Variants in PPFIBP2 observed in about 807,000 individuals in gnomAD.
PPFIBP2 encodes PPFIB scaffold protein 2.
In PPFIBP2, 118 loss-of-function variants were observed where a neutral mutation model predicts 118.3. The observed-to-expected ratio is 1.00, with a 90% CI of 0.86 to 1.16. The LOEUF (loss-of-function observed/expected upper bound fraction) is 1.16. Ranked by LOEUF, PPFIBP2 falls within the 50% of genes most tolerant of loss-of-function variation. The probability of loss-of-function intolerance (pLI) is 0.00; values close to 1 mark genes in which losing one functional copy is unlikely to be tolerated. For synonymous variants in PPFIBP2, 414 were observed against 397.4 expected (o/e 1.04, Z -0.50); for missense variants, 1,195 against 1,073.1 (o/e 1.11, Z -1.59).
rs541586710 is a variant in PPFIBP2, at chr11:7,645,504, T to G, written c.1647-2883T>G. 7.9e-5 allele frequency among the ~76,000 whole-genome samples: 12 copies of G among 152,334 alleles called. No homozygotes were observed. The East Asian group carries it at 2.3e-3, about 29-fold the overall frequency. ...GAATGTGTCAACAAAACAAATGGTTTGGCTGTATATGAAGGGTATCTTCTC... is the reference window on the plus strand; with the variant it reads ...GAATGTGTCAACAAAACAAATGGTTGGGCTGTATATGAAGGGTATCTTCTC... On this transcript the variant is annotated intron_variant, in intron 17 of 23. Transcript: ENST00000299492.
chr11:7,662,048 C>T (rs28775425), downstream of PPFIBP2, among the ~76,000 whole-genome samples: 161 of 141,244 alleles, frequency 1.1e-3, 1 homozygote, highest in African/African-American at 3.7e-3. Context: ...TGTCTCTGCA[C>T]GTGAGATGGG....
At chr11:7,515,144 A>T (rs924417365) in intron 1 of PPFIBP2, among the ~76,000 whole-genome samples, 1 of 152,236 alleles carries the variant, frequency 6.6e-6, no homozygotes. Flanking sequence ...TAATTTAGAA[A>T]TTATTTCTCT....
chr11:7,550,720 G>A lies in PPFIBP2; in HGVS notation c.64+1181G>A, dbSNP rs371306815. Among the ~76,000 whole-genome samples the A allele has an allele frequency of 3.9e-5, 6 of 152,204 alleles. No individual in the cohort carries two copies. In the South Asian group the frequency reaches 6.2e-4, roughly 16 times the overall value. ...TGATCCCGGGTGTGTCTGTGAGAGT[G>A]TTGCCAAAGGAGATTAACATTTGAG... On this transcript the variant is annotated intron_variant, in intron 2 of 23. Transcript: ENST00000299492.
At chr11:7,648,588 G>A (rs751624850) in intron 18 of PPFIBP2, 51 bp downstream of exon 18, 2 of 1,604,308 alleles carry the variant, frequency 1.2e-6, no homozygotes, top group South Asian at 2.2e-5. Context: ...CCAAAGCATG[G>A]GGAGGCCAGG....
At chr11:7,628,417 C>A in intron 9 of PPFIBP2, 71 bp downstream of exon 9, 1 of 1,366,810 alleles carries the variant, frequency 7.3e-7, no homozygotes, top group South Asian at 1.2e-5. Context: ...CCCTGCTGGT[C>A]TCTGATATTC....
At chr11:7,657,747 C>A (rs1400857761), downstream of PPFIBP2, among the ~76,000 whole-genome samples, 1 of 152,208 alleles carries the variant, frequency 6.6e-6, no homozygotes, top group Non-Finnish European at 1.5e-5. Flanking sequence ...GCAAAGAGAC[C>A]ATCTCTCAGG....
intron 3 of PPFIBP2, among the ~76,000 whole-genome samples, chr11:7,572,978 C>T (rs992418369): frequency 1.3e-5 from 2 of 152,186 alleles, no homozygotes; most frequent in African/African-American, 4.8e-5. Context: ...CGGTGTTTCA[C>T]CAGGTTGACG....
chr11:7,610,721 A>G (rs1847963140), intron 6 of PPFIBP2, among the ~76,000 whole-genome samples: 1 of 152,200 alleles, frequency 6.6e-6, no homozygotes, highest in Admixed American at 6.5e-5. Context: ...GGGACACAAG[A>G]TGTCTTCTGT....
intron 5 of PPFIBP2, among the ~76,000 whole-genome samples, chr11:7,599,758 G>C (rs1861072053): frequency 6.7e-6 from 1 of 149,054 alleles, no homozygotes; most frequent in African/African-American, 2.5e-5. Flanking sequence ...AGCCTCCCAA[G>C]TAGCTGGGAC....
intron 5 of PPFIBP2, among the ~76,000 whole-genome samples, chr11:7,609,731 C>A (rs1196164282): frequency 2.6e-5 from 4 of 152,044 alleles, no homozygotes; most frequent in Non-Finnish European, 4.4e-5. Flanking sequence ...TTTGGAACAG[C>A]CCAGGAAAGA....
chr11:7,665,812 CACA>C, the PPFIBP2 span: 8 of 1,520,950 alleles, frequency 5.3e-6, no homozygotes, highest in South Asian at 8.5e-5. Context: ...GGAAGGAGAA[CACA>C]ACGAGGTATA....
At chr11:7,641,903 A>G (rs1003291539) in intron 16 of PPFIBP2, 3 of 464,382 alleles carry the variant, frequency 6.5e-6, no homozygotes, top group Non-Finnish European at 7.7e-6. Context: ...ATTACATTGG[A>G]TCTGGCACAG....
chr11:7,641,672 AT>A (rs764726027), intron 16 of PPFIBP2, 52 bp downstream of exon 16: 34 of 1,571,748 alleles, frequency 2.2e-5, no homozygotes, highest in Admixed American at 1.4e-4. Context: ...TTTCTTTTTG[AT>A]TGGGCAAAGA....
Position 7,549,538 on chromosome 11 carries a change from A to G in PPFIBP2, c.63A>G (p.Ala21=), listed in dbSNP as rs1467767195. 6.4e-7 allele frequency: 1 copy of G among 1,557,774 alleles called. No individual in the cohort carries two copies. Among genetic ancestry groups the G allele is most frequent in the East Asian group, 2.4e-5 (1 of 41,374 alleles). The change falls in exon 2 of 24, where the codon GCA becomes GCG. Residue 21 remains alanine, a splice_region_variant and synonymous_variant. Transcript: ENST00000299492. The part of the protein sequence containing the change: ...AALEQMDGII[A]GTKTGADLSD... ...TGGAGCAAATGGACGGGATCATTGCAGGTACGCCCAGGGAACCCCAGCAAC... is the reference window on the plus strand; with the variant it reads ...TGGAGCAAATGGACGGGATCATTGCGGGTACGCCCAGGGAACCCCAGCAAC...
chr11:7,598,733 C>G (rs967211400), intron 5 of PPFIBP2, among the ~76,000 whole-genome samples: 1 of 152,012 alleles, frequency 6.6e-6, no homozygotes, highest in Admixed American at 6.6e-5. Flanking sequence ...TCCAAAAGCG[C>G]TAGCATTTTT....
chr11:7,597,984 A>G (rs1860696997), intron 5 of PPFIBP2: 1 of 262,938 alleles, frequency 3.8e-6, no homozygotes, highest in Non-Finnish European at 7.3e-6. Context: ...CCTCACCCTC[A>G]TCCTGTGGGT....
chr11:7,644,141 T>C (rs79840692), intron 17 of PPFIBP2, among the ~76,000 whole-genome samples: 2,286 of 152,320 alleles, frequency 0.015, 55 homozygotes, highest in African/African-American at 0.052. Flanking sequence ...TCTTATAGAT[T>C]TCTAACTGTT....
At chr11:7,595,398 A>G (rs183394056) in intron 4 of PPFIBP2, among the ~76,000 whole-genome samples, 3 of 152,350 alleles carry the variant, frequency 2.0e-5, no homozygotes, top group East Asian at 3.9e-4. Context: ...AGGACCCTTC[A>G]TGATTGAAAT....
chr11:7,544,644 G>A (rs1852130280), intron 1 of PPFIBP2, among the ~76,000 whole-genome samples: 1 of 151,620 alleles, frequency 6.6e-6, no homozygotes, highest in Non-Finnish European at 1.5e-5. Flanking sequence ...CGTGGTGGCG[G>A]GCACCTGTAG....
Sources: gnomAD v4.1 joint callset for allele counts (sites outside exome capture counted in the v4.1 genomes callset) on GRCh38, gnomAD v4.1.1 for gene constraint, MANE v1.5 for transcripts, NCBI Gene and HGNC (gene_info 2026-07-23, HGNC 2026-07-21) for gene names.